TAFA1: variants seen among roughly 807,000 people sequenced by gnomAD.
TAFA1 encodes chemokine-like protein TAFA-1.
A neutral mutation model predicts 18.5 loss-of-function variants in TAFA1; 4 were observed. That is an observed-to-expected ratio of 0.22 (90% confidence interval 0.11 to 0.49). TAFA1 has a LOEUF of 0.49. Ranked by LOEUF, TAFA1 falls within the 20% of genes least tolerant of loss-of-function variation. TAFA1 has a pLI of 0.98. For missense variants in TAFA1, 147 were observed against 169.0 expected, an observed-to-expected ratio of 0.87 and a Z score of 0.72; for synonymous variants, 56 against 55.2, an observed-to-expected ratio of 1.01 and a Z score of -0.06.
chr3:68,247,420 C>T (rs561232468), intron 2 of TAFA1: 2 of 152,208 alleles, frequency 1.3e-5, no homozygotes, highest in Admixed American at 6.5e-5. Flanking sequence ...CAGACCTGCT[C>T]AAGTGGACAG....
chr3:68,234,662 T>C (rs2066907331), intron 2 of TAFA1, among the ~76,000 whole-genome samples: 1 of 152,096 alleles, frequency 6.6e-6, no homozygotes, highest in Admixed American at 6.5e-5. Flanking sequence ...CCTTTCAAGA[T>C]AGAGTCGAGT....
chr3:68,389,776 C>T (rs902787156), intron 2 of TAFA1, among the ~76,000 whole-genome samples: 24 of 152,062 alleles, frequency 1.6e-4, no homozygotes, highest in African/African-American at 5.6e-4. Flanking sequence ...AACTCCCTCC[C>T]CTAGCCGAGG....
intron 1 of TAFA1, 181 bp from the exon 2 acceptor site, chr3:68,006,443 A>T (rs930967776): frequency 2.0e-5 from 11 of 554,522 alleles, no homozygotes; most frequent in African/African-American, 1.5e-4. Context: ...ATGTATGATC[A>T]TCTGAAAAGG....
intron 2 of TAFA1, among the ~76,000 whole-genome samples, chr3:68,391,282 T>C (rs1469370955): frequency 3.9e-5 from 6 of 151,918 alleles, no homozygotes; most frequent in Admixed American, 3.9e-4. Flanking sequence ...ATCAACTTAA[T>C]GAAATAAAGC....
the TAFA1 span, among the ~76,000 whole-genome samples, chr3:67,995,159 A>C: frequency 6.6e-6 from 1 of 152,250 alleles, no homozygotes; most frequent in South Asian, 2.1e-4. Context: ...AAATCTGTTA[A>C]ACACAGAGAA....
chr3:68,524,655 T>TTTTTTG (rs894121760), intron 3 of TAFA1, among the ~76,000 whole-genome samples: 7 of 150,692 alleles, frequency 4.6e-5, no homozygotes, highest in East Asian at 3.9e-4. Context: ...TTCTAGGTTG[T>TTTTTTG]TTTTTGTTTT....
chr3:68,082,134 C>T (rs1034964267), intron 2 of TAFA1, among the ~76,000 whole-genome samples: 12 of 152,224 alleles, frequency 7.9e-5, no homozygotes, highest in East Asian at 3.8e-4. Flanking sequence ...TGACCCCTTG[C>T]GCTTCCCAAG....
At chr3:68,530,222 G>T (rs1218693314) in intron 3 of TAFA1, among the ~76,000 whole-genome samples, 1 of 152,122 alleles carries the variant, frequency 6.6e-6, no homozygotes, top group Non-Finnish European at 1.5e-5. Context: ...TTTATTTATT[G>T]TTTTCATTAA....
At chr3:68,531,132 A>T (rs1467252239) in intron 3 of TAFA1, among the ~76,000 whole-genome samples, 1 of 152,178 alleles carries the variant, frequency 6.6e-6, no homozygotes, top group Non-Finnish European at 1.5e-5. Context: ...TGGGAAAGTT[A>T]CTTAGTCTCT....
At chr3:68,286,311 A>C (rs193128839) in intron 2 of TAFA1, among the ~76,000 whole-genome samples, 125 of 152,268 alleles carry the variant, frequency 8.2e-4, no homozygotes, top group African/African-American at 2.9e-3. Context: ...GGGTGAGTTA[A>C]TGAGTCTACG....
chr3:68,378,950 T>C (rs2069874579), intron 2 of TAFA1, among the ~76,000 whole-genome samples: 1 of 152,216 alleles, frequency 6.6e-6, no homozygotes, highest in African/African-American at 2.4e-5. Flanking sequence ...TGTAAGTCAA[T>C]TAAGCCTCTT....
intron 2 of TAFA1, among the ~76,000 whole-genome samples, chr3:68,106,269 A>G (rs1347252787): frequency 6.6e-6 from 1 of 152,120 alleles, no homozygotes; most frequent in Non-Finnish European, 1.5e-5. Context: ...AATTAGAACT[A>G]TGAAACTTTT....
At chr3:68,486,520 G>C (rs2072343223) in intron 3 of TAFA1, among the ~76,000 whole-genome samples, 1 of 152,138 alleles carries the variant, frequency 6.6e-6, no homozygotes, top group East Asian at 1.9e-4. Flanking sequence ...AGCCTTACCA[G>C]TTGCTAGCAC....
intron 2 of TAFA1, among the ~76,000 whole-genome samples, chr3:68,262,227 C>G (rs1418078502): frequency 6.9e-6 from 1 of 145,460 alleles, no homozygotes; most frequent in East Asian, 2.0e-4. Flanking sequence ...GATTCACTAA[C>G]TAGTGATTAC....
At chr3:68,063,920 G>T (rs548139200) in intron 2 of TAFA1, among the ~76,000 whole-genome samples, 1 of 152,260 alleles carries the variant, frequency 6.6e-6, no homozygotes, top group East Asian at 1.9e-4. Flanking sequence ...ACCCACTCTG[G>T]CGATGCCAGA....
intron 2 of TAFA1, among the ~76,000 whole-genome samples, chr3:68,082,371 A>AG (rs377422221): frequency 3.4e-4 from 52 of 152,026 alleles, no homozygotes; most frequent in African/African-American, 1.2e-3. Flanking sequence ...TTTATTCCTC[A>AG]TTTTTTTCCT....
At chr3:68,482,699 G>A (rs1386275918) in intron 3 of TAFA1, among the ~76,000 whole-genome samples, 1 of 152,140 alleles carries the variant, frequency 6.6e-6, no homozygotes, top group Non-Finnish European at 1.5e-5. Context: ...ACTTCACCCA[G>A]CAGGCTGACA....
At chr3:68,370,745 G>A (rs1224664973) in intron 2 of TAFA1, among the ~76,000 whole-genome samples, 2 of 140,968 alleles carry the variant, frequency 1.4e-5, no homozygotes, top group Non-Finnish European at 3.1e-5. Flanking sequence ...GAGAATGACT[G>A]TTCTCTTTGT....
intron 2 of TAFA1, among the ~76,000 whole-genome samples, chr3:68,312,329 G>A (rs2068534754): frequency 6.6e-6 from 1 of 152,182 alleles, no homozygotes; most frequent in South Asian, 2.1e-4. Flanking sequence ...CCCAGAAAAT[G>A]GGATTTTCTT....
Sources: allele counts gnomAD v4.1 joint callset (sites outside exome capture counted in the v4.1 genomes callset), GRCh38; gene constraint gnomAD v4.1.1; transcripts MANE v1.5; gene names NCBI Gene and HGNC (gene_info 2026-07-23, HGNC 2026-07-21).